The following TSPEAR variants were observed in gnomAD, a reference collection of about 807,000 sequenced individuals.
TSPEAR encodes the protein thrombospondin type laminin G domain and EAR repeats, also known as thrombospondin-type laminin G domain and EAR repeat-containing protein.
TSPEAR carries 69 observed loss-of-function variants against 71.6 expected under a neutral mutation model. That is an observed-to-expected ratio of 0.96 (90% confidence interval 0.79 to 1.18). TSPEAR has a LOEUF of 1.18. Ranked by LOEUF, TSPEAR falls within the 50% of genes most tolerant of loss-of-function variation. The pLI is 0.00. For missense variants in TSPEAR, 971 were observed against 894.9 expected (o/e 1.09, Z -1.09); for synonymous variants, 402 against 387.2 (o/e 1.04, Z -0.45).
chr21:44,580,470 G>A (rs1555924923), intron 1 of TSPEAR: 25 of 1,613,262 alleles, frequency 1.5e-5, no homozygotes, highest in Non-Finnish European at 2.1e-5. Context: ...ACCAGGGTCA[G>A]GCAGGGGGCG....
At chr21:44,547,648 G>A (rs1421730524) in intron 2 of TSPEAR, among the ~76,000 whole-genome samples, 1 of 152,232 alleles carries the variant, frequency 6.6e-6, no homozygotes, top group African/African-American at 2.4e-5. Flanking sequence ...TAATTTGACA[G>A]AGAGTTCCTT....
chr21:44,500,205 C>A (rs1275162705), intron 11 of TSPEAR, among the ~76,000 whole-genome samples: 1 of 152,236 alleles, frequency 6.6e-6, no homozygotes, highest in Non-Finnish European at 1.5e-5. Flanking sequence ...AAGATCCTAA[C>A]CCCGGGGACC....
intron 1 of TSPEAR, chr21:44,658,111 G>T: frequency 6.2e-7 from 1 of 1,613,428 alleles, no homozygotes; most frequent in Non-Finnish European, 8.5e-7. Flanking sequence ...CGCGCATTGT[G>T]TGCGTGGCTC....
intron 1 of TSPEAR, chr21:44,657,801 G>A (rs1014877609): frequency 8.1e-5 from 51 of 628,962 alleles, no homozygotes; most frequent in Admixed American, 3.5e-4. Flanking sequence ...AGCATGACGC[G>A]GGAAAGTACA....
At chr21:44,539,603 C>G in intron 2 of TSPEAR, 1 of 1,613,364 alleles carries the variant, frequency 6.2e-7, no homozygotes, top group Non-Finnish European at 8.5e-7. Flanking sequence ...GGGCACGCAG[C>G]AGGCCTGCTG....
In TSPEAR at chr21:44,676,811, C is replaced by T. The variant is rs146806010; in HGVS notation, c.82+34622G>A. 6,660 of 936,498 alleles carry T rather than the reference C, an allele frequency of 7.1e-3. 52 individuals carry two copies. Among genetic ancestry groups the T allele is most frequent in the Non-Finnish European group, 8.3e-3 (4,656 of 562,512 alleles). The allele number at this position is 936,498 out of a possible 1,614,324, so 58.0% of individuals were successfully genotyped here. On this transcript the variant is annotated intron_variant, in intron 1 of 11. Coordinates refer to ENST00000323084, the MANE Select transcript of TSPEAR (RefSeq NM_144991.3). ...GCTTTTGCTACTACAGAGTCAAATG[C>T]CCACTTTTCTTCCAGCGTTTGTTTC...
rs78026972 is a variant in TSPEAR at position 44,522,224 on chromosome 21, G to A, written c.1337-112C>T. ...CCCTCCCCGAGGACCGAAGACCCAC[G>A]AGGACAAGGCCAACCGCTGGGGACA... On this transcript the variant is annotated intron_variant, in intron 8 of 11. Coordinates refer to ENST00000323084, the MANE Select transcript of TSPEAR (RefSeq NM_144991.3). 9.6e-3 allele frequency: 9,930 copies of A among 1,038,820 alleles called. 641 individuals are homozygous for A. The African/African-American group carries it at 0.13, about 14-fold the overall frequency. The allele number at this position is 1,038,820 out of a possible 1,614,324, so 64.4% of individuals were successfully genotyped here. A position where few individuals can be genotyped will look rare whatever the true frequency, so the allele number is the denominator to read the frequency against.
chr21:44,677,201 C>A lies in TSPEAR; in HGVS notation c.82+34232G>T, dbSNP rs782096058. Reference sequence around the variant, plus strand: ...CCTCTTCTTTCTTTGCATTTTCAGTCACACTTTTCATCTTCTCTACCTCTT... The same window carrying A: ...CCTCTTCTTTCTTTGCATTTTCAGTAACACTTTTCATCTTCTCTACCTCTT... On this transcript the variant is annotated intron_variant, in intron 1 of 11. Transcript: ENST00000323084. 106 of 712,220 alleles carry A rather than the reference C, an allele frequency of 1.5e-4. 1 individual carries two copies. The highest frequency in any genetic ancestry group is 4.7e-4 in the Middle Eastern group (2 of 4,294). 44.1% of individuals were successfully genotyped at this position (712,220 alleles called of 1,614,324 possible). A position where few individuals can be genotyped will look rare whatever the true frequency, so the allele number is the denominator to read the frequency against.
intron 1 of TSPEAR, among the ~76,000 whole-genome samples, chr21:44,624,511 C>G (rs1982643352): frequency 6.6e-6 from 1 of 152,194 alleles, no homozygotes; most frequent in Non-Finnish European, 1.5e-5. Context: ...ATGCTGCTGT[C>G]TCCAGAAGAG....
rs1555953642 is a variant in TSPEAR at position 44,711,522 on chromosome 21, T to C, written c.-8A>G. ...ACTCAGCAGGGCAGACATGAGGGGC[T>C]TGGGTGCCAAGCTCCATCCAGGGCT... is the stretch of plus-strand genomic sequence containing the variant. On this transcript the variant is annotated 5_prime_UTR_variant, in exon 1 of 12. Coordinates refer to ENST00000323084, the MANE Select transcript of TSPEAR (RefSeq NM_144991.3). This position sits in a 1 kb window ranked among gnomAD's most constrained non-coding sequence, Gnocchi z 4.5. 1 of 1,609,486 alleles carries C rather than the reference T, an allele frequency of 6.2e-7. No homozygotes were observed. Among genetic ancestry groups the C allele is most frequent in the Non-Finnish European group, 8.5e-7 (1 of 1,178,372 alleles).
At chr21:44,611,036 T>A (rs1390026326) in intron 1 of TSPEAR, among the ~76,000 whole-genome samples, 1 of 152,212 alleles carries the variant, frequency 6.6e-6, no homozygotes, top group Non-Finnish European at 1.5e-5. Context: ...TGTTTTTGAT[T>A]TTACAGGCTC....
At chr21:44,539,444 C>A (rs1157026326) in intron 2 of TSPEAR, 1 of 1,612,860 alleles carries the variant, frequency 6.2e-7, no homozygotes, top group Non-Finnish European at 8.5e-7. Context: ...TACAGGGCGG[C>A]AGAGGAGGGA....
At chr21:44,637,308 C>T (rs1463150392) in intron 1 of TSPEAR, 7 of 1,427,452 alleles carry the variant, frequency 4.9e-6, no homozygotes, top group East Asian at 2.3e-5. Context: ...TGGGAAAACA[C>T]AGGCCCTGGG....
intron 1 of TSPEAR, chr21:44,574,984 C>T (rs1555923702): frequency 1.1e-5 from 17 of 1,611,274 alleles, no homozygotes; most frequent in Admixed American, 1.7e-5. Flanking sequence ...TGCTCCCGCC[C>T]AGCCTGCTGA....
At chr21:44,516,647 C>T (rs587674085) in intron 9 of TSPEAR, 1 of 152,174 alleles carries the variant, frequency 6.6e-6, no homozygotes, top group Non-Finnish European at 1.5e-5. Context: ...AATGTCAGCC[C>T]CCAGAGCCAG....
intron 2 of TSPEAR, chr21:44,557,982 AG>A: frequency 6.5e-7 from 1 of 1,545,126 alleles, no homozygotes; most frequent in Non-Finnish European, 8.8e-7. Context: ...GACAGGGCTC[AG>A]GGCTGCAAGG....
intron 1 of TSPEAR, chr21:44,676,901 G>A: frequency 1.1e-6 from 1 of 888,036 alleles, no homozygotes; most frequent in South Asian, 1.3e-5. Flanking sequence ...CTGTTCAGCT[G>A]ATCGATGTGA....
intron 1 of TSPEAR, chr21:44,613,006 CTGAGG>C: frequency 7.3e-6 from 10 of 1,360,750 alleles, no homozygotes; most frequent in Non-Finnish European, 1.0e-5. Context: ...CTCCCCTGTG[CTGAGG>C]TGACCTCTCC....
chr21:44,563,497 G>C (rs76144814), intron 2 of TSPEAR, among the ~76,000 whole-genome samples: 3,635 of 151,968 alleles, frequency 0.024, 143 homozygotes, highest in African/African-American at 0.082. Context: ...CAGTGTCATG[G>C]GAAAACATAA....
Sources: gnomAD v4.1 joint callset for allele counts (sites outside exome capture counted in the v4.1 genomes callset) on GRCh38, gnomAD v4.1.1 for gene constraint, Gnocchi (gnomAD v3.1) non-coding constraint, MANE v1.5 for transcripts, NCBI Gene and HGNC (gene_info 2026-07-23, HGNC 2026-07-21) for gene names.